The following RASSF10 variants were observed in gnomAD, a reference collection of about 807,000 sequenced individuals.
The protein encoded by RASSF10 is Ras association domain family member 10, also known as ras association domain-containing protein 10.
Under a neutral mutation model 41.5 loss-of-function variants are expected in RASSF10, and 22 were observed. That is an observed-to-expected ratio of 0.53 (90% confidence interval 0.38 to 0.76). The LOEUF is 0.76. Ranked by LOEUF, RASSF10 falls within the 30% of genes least tolerant of loss-of-function variation. The pLI is 0.00. For synonymous variants in RASSF10, 364 were observed against 319.0 expected, an observed-to-expected ratio of 1.14 and a Z score of -1.50; for missense variants, 776 against 711.8, an observed-to-expected ratio of 1.09 and a Z score of -1.03.
At position 13,011,674 on chromosome 11, in the gene RASSF10, C is replaced by T. The variant is rs1949581267; in HGVS notation, c.*574C>T. 6.6e-6 allele frequency: 1 copy of T among 152,428 alleles called. No individual in the cohort carries two copies. Among genetic ancestry groups the T allele is most frequent in the Admixed American group, 6.5e-5 (1 of 15,304 alleles). The allele number at this position is 152,428 out of a possible 1,614,324, so 9.4% of individuals were successfully genotyped here. Reference sequence around the variant, plus strand: ...ACATTTCTGCAGATTTGGGAATTACCCATCTGCTAAATCATTTGTCTTTTA... The same window carrying T: ...ACATTTCTGCAGATTTGGGAATTACTCATCTGCTAAATCATTTGTCTTTTA... On this transcript the variant is annotated 3_prime_UTR_variant, in exon 1 of 1. Coordinates refer to ENST00000529419, the MANE Select transcript of RASSF10 (RefSeq NM_001080521.3).
Position 13,009,751 on chromosome 11 carries a change from C to T in RASSF10, c.175C>T (p.His59Tyr). 6.3e-7 allele frequency: 1 copy of T among 1,589,768 alleles called. No individual in the cohort carries two copies. Among genetic ancestry groups the T allele is most frequent in the East Asian group, 2.3e-5 (1 of 43,564 alleles). Residue 59 changes from histidine (H) to tyrosine (Y), a missense_variant, in exon 1 of 1, where the codon CAT becomes TAT. Physicochemically the swap from His to Tyr is moderately conservative, Grantham distance 83. Transcript: ENST00000529419. ...SRRLGSAGDP[H>Y]GPGELPEPPN... is the part of the protein sequence containing the mutation. Reference sequence around the variant, plus strand: ...GCGGCTGGGGTCGGCCGGCGACCCGCATGGCCCGGGAGAGCTGCCCGAACC... The same window carrying T: ...GCGGCTGGGGTCGGCCGGCGACCCGTATGGCCCGGGAGAGCTGCCCGAACC...
At position 13,010,539 on chromosome 11, in the gene RASSF10, G is replaced by A. The variant is rs944910261; in HGVS notation, c.963G>A (p.Glu321=). 6.5e-7 allele frequency: 1 copy of A among 1,531,854 alleles called. No individual in the cohort carries two copies. The highest frequency in any genetic ancestry group is 1.4e-5 in the African/African-American group (1 of 72,498). The allele number at this position is 1,531,854 out of a possible 1,614,324, so 94.9% of individuals were successfully genotyped here. A position where few individuals can be genotyped will look rare whatever the true frequency, so the allele number is the denominator to read the frequency against. Residue 321 remains glutamate, a synonymous_variant, in exon 1 of 1, where the codon GAG becomes GAA. Coordinates refer to ENST00000529419, the MANE Select transcript of RASSF10 (RefSeq NM_001080521.3). The surrounding 1 kb of genome is among the most constrained non-coding windows in gnomAD (Gnocchi z 4.8). ...AGGCGCAGGCGGCGGCGCTGGAGGAGCTGGCCCGGCGCTGCGACGACTTGC... is the reference window on the plus strand; with the variant it reads ...AGGCGCAGGCGGCGGCGCTGGAGGAACTGGCCCGGCGCTGCGACGACTTGC... ...AGEAQAAALE[E]LARRCDDLLR...
rs775349130 is a variant in RASSF10, at chr11:13,009,999, C to G, written c.423C>G (p.Arg141=). 7.8e-6 allele frequency: 12 copies of G among 1,544,436 alleles called. No individual in the cohort carries two copies. The South Asian group carries it at 1.4e-4, about 18-fold the overall frequency. Reference sequence around the variant, plus strand: ...CATCGCTGCCTAACGCCGGCCCCCGCAGCGCCGAGGCGCGCGTAGTGCTGA... The same window carrying G: ...CATCGCTGCCTAACGCCGGCCCCCGGAGCGCCGAGGCGCGCGTAGTGCTGA... ...SEASLPNAGP[R]SAEARVVLSR... The change falls in exon 1 of 1, where the codon CGC becomes CGG. Residue 141 remains arginine (R), a synonymous_variant. Transcript: ENST00000529419.
rs763857281 is a variant in RASSF10, at chr11:13,010,967, C to A, written c.1391C>A (p.Ala464Asp). 6.2e-7 allele frequency: 1 copy of A among 1,613,750 alleles called. No homozygotes were observed. Among genetic ancestry groups the A allele is most frequent in the Non-Finnish European group, 8.5e-7 (1 of 1,179,868 alleles). ...PSREPGPQAC[A>D]DMWVDQARGL... ...CGGGAACCTGGGCCTCAAGCCTGCG[C>A]CGACATGTGGGTGGACCAGGCCCGT... The change falls in exon 1 of 1, where the codon GCC becomes GAC. Residue 464 changes from alanine to aspartate, a missense_variant. Physicochemically the swap from Ala to Asp is moderately radical, Grantham distance 126 (BLOSUM62 -2). Coordinates refer to ENST00000529419, the MANE Select transcript of RASSF10 (RefSeq NM_001080521.3). The surrounding 1 kb of genome is among the most constrained non-coding windows in gnomAD (Gnocchi z 4.8).
In RASSF10 at chr11:13,010,482, G is replaced by T. The variant is rs374584447; in HGVS notation, c.906G>T (p.Glu302Asp). Reference protein sequence around the residue: ...EEPEEVAAEAEEAAAAPPLAG... With the variant: ...EEPEEVAAEADEAAAAPPLAG... Reference sequence around the variant, plus strand: ...CAGAAGAGGTGGCGGCGGAGGCGGAGGAGGCGGCGGCGGCGCCCCCTCTAG... The same window carrying T: ...CAGAAGAGGTGGCGGCGGAGGCGGATGAGGCGGCGGCGGCGCCCCCTCTAG... Residue 302 changes from glutamate (E) to aspartate (D), a missense_variant, in exon 1 of 1, where the codon GAG becomes GAT. Transcript: ENST00000529419. The surrounding 1 kb of genome is among the most constrained non-coding windows in gnomAD (Gnocchi z 4.8). The T allele has an allele frequency of 5.3e-6, 8 of 1,519,484 alleles. No individual in the cohort carries two copies. The highest frequency in any genetic ancestry group is 2.1e-5 in the Admixed American group (1 of 46,684). The allele number at this position is 1,519,484 out of a possible 1,614,324, so 94.1% of individuals were successfully genotyped here. A position where few individuals can be genotyped will look rare whatever the true frequency, so the allele number is the denominator to read the frequency against.
chr11:13,009,448 C>G lies in RASSF10; in HGVS notation c.-129C>G. The G allele has an allele frequency of 6.7e-7, 1 of 1,502,812 alleles. No homozygotes were observed. Among genetic ancestry groups the G allele is most frequent in the Non-Finnish European group, 8.9e-7 (1 of 1,128,700 alleles). The allele number at this position is 1,502,812 out of a possible 1,614,324, so 93.1% of individuals were successfully genotyped here. On this transcript the variant is annotated 5_prime_UTR_variant, in exon 1 of 1. Coordinates refer to ENST00000529419, the MANE Select transcript of RASSF10 (RefSeq NM_001080521.3). Reference sequence around the variant, plus strand: ...CTGCCTTCGGTGCGCAGCGGGGGAACAGGGCTAGTGCAGCCGCCGGAGGGG... The same window carrying G: ...CTGCCTTCGGTGCGCAGCGGGGGAAGAGGGCTAGTGCAGCCGCCGGAGGGG...
rs752201602 is a variant in RASSF10, at chr11:13,009,786, GGAC to G, written c.216_218del (p.Asp72del). The G allele has an allele frequency of 6.2e-7, 1 of 1,605,528 alleles. No homozygotes were observed. Among genetic ancestry groups the G allele is most frequent in the African/African-American group, 1.3e-5 (1 of 74,904 alleles). On this transcript the variant is annotated inframe_deletion, in exon 1 of 1. Transcript: ENST00000529419. ...GAGAGCTGCCCGAACCCCCGAACGAGGACGACGAGGACGACGACGAGGCGCTGC... is the reference window on the plus strand; with the variant it reads ...GAGAGCTGCCCGAACCCCCGAACGAGGACGAGGACGACGACGAGGCGCTGC...
chr11:13,010,013 G>A lies in RASSF10; in HGVS notation c.437G>A (p.Arg146His). Residue 146 changes from arginine to histidine, a missense_variant, in exon 1 of 1, where the codon CGC (arginine) becomes CAC (histidine). By Grantham distance (29) the Arg-to-His change is conservative (BLOSUM62 0). Transcript: ENST00000529419. This position sits in a 1 kb window ranked among gnomAD's most constrained non-coding sequence, Gnocchi z 4.8. The part of the protein sequence containing the change: ...PNAGPRSAEA[R>H]VVLSRERPCP... Reference sequence around the variant, plus strand: ...GCCGGCCCCCGCAGCGCCGAGGCGCGCGTAGTGCTGAGCCGAGAGCGCCCC... The same window carrying A: ...GCCGGCCCCCGCAGCGCCGAGGCGCACGTAGTGCTGAGCCGAGAGCGCCCC... The A allele has an allele frequency of 6.5e-7, 1 of 1,543,630 alleles. No individual in the cohort carries two copies. Among genetic ancestry groups the A allele is most frequent in the African/African-American group, 1.4e-5 (1 of 73,054 alleles).
Position 13,009,726 on chromosome 11 carries a change from G to A in RASSF10, c.150G>A (p.Arg50=), listed in dbSNP as rs772105525. ...GGCGACGGAGACAGCGGCGGAGCCG[G>A]CGGCTGGGGTCGGCCGGCGACCCGC... The part of the protein sequence containing the change: ...CRRRRRQRRS[R]RLGSAGDPHG... The change falls in exon 1 of 1, where the codon CGG becomes CGA. Residue 50 remains arginine, a synonymous_variant. Transcript: ENST00000529419. The A allele has an allele frequency of 1.5e-5, 24 of 1,579,036 alleles. No individual in the cohort carries two copies. The South Asian group carries it at 1.8e-4, about 12-fold the overall frequency.
chr11:13,009,366 C>A lies in RASSF10; in HGVS notation c.-211C>A, dbSNP rs541930998. 5 of 1,191,260 alleles carry A rather than the reference C, an allele frequency of 4.2e-6. No individual in the cohort carries two copies. In the Admixed American group the frequency reaches 6.5e-5, roughly 15 times the overall value. The allele number at this position is 1,191,260 out of a possible 1,614,324, so 73.8% of individuals were successfully genotyped here. ...CTGGGCGCGTTGCCCCGGGAGCGCC[C>A]GTCGTCCGGGCAGAGCGCAGCCGCA... is the stretch of plus-strand genomic sequence containing the variant. On this transcript the variant is annotated 5_prime_UTR_variant, in exon 1 of 1. Transcript: ENST00000529419.
rs901076428 is a variant in RASSF10, at chr11:13,009,737, C to T, written c.161C>T (p.Ser54Leu). 4.4e-6 allele frequency: 7 copies of T among 1,578,962 alleles called. No individual in the cohort carries two copies. Among genetic ancestry groups the T allele is most frequent in the East Asian group, 4.7e-5 (2 of 42,760 alleles). Residue 54 changes from serine (S) to leucine (L), a missense_variant, in exon 1 of 1, where the codon TCG (serine) becomes TTG (leucine). Ser to Leu is a moderately radical substitution (Grantham distance 145, BLOSUM62 -2). Coordinates refer to ENST00000529419, the MANE Select transcript of RASSF10 (RefSeq NM_001080521.3). ...RRQRRSRRLG[S>L]AGDPHGPGEL... Reference sequence around the variant, plus strand: ...CAGCGGCGGAGCCGGCGGCTGGGGTCGGCCGGCGACCCGCATGGCCCGGGA... The same window carrying T: ...CAGCGGCGGAGCCGGCGGCTGGGGTTGGCCGGCGACCCGCATGGCCCGGGA...
Position 13,010,056 on chromosome 11 carries a change from C to T in RASSF10, c.480C>T (p.Ala160=). The T allele has an allele frequency of 6.5e-7, 1 of 1,545,988 alleles. No individual in the cohort carries two copies. The highest frequency in any genetic ancestry group is 8.7e-7 in the Non-Finnish European group (1 of 1,144,204). ...SRERPCPARG[A]PARPSLAMTQ... ...AGCGCCCCTGTCCGGCCCGCGGGGC[C>T]CCGGCGCGGCCCAGCCTGGCCATGA... Residue 160 remains alanine (A), a synonymous_variant, in exon 1 of 1, where the codon GCC becomes GCT. Transcript: ENST00000529419. The surrounding 1 kb of genome is among the most constrained non-coding windows in gnomAD (Gnocchi z 4.8).
chr11:13,010,704 C>T lies in RASSF10; in HGVS notation c.1128C>T (p.Asp376=). ...CGCGGGAGGAGCCCCTGGAGCCCGA[C>T]GGTGGCCCCGACGGCGAGCTGCTGC... ...LAAREEPLEP[D]GGPDGELLLE... The change falls in exon 1 of 1, where the codon GAC becomes GAT. Residue 376 remains aspartate, a synonymous_variant. Coordinates refer to ENST00000529419, the MANE Select transcript of RASSF10 (RefSeq NM_001080521.3). The surrounding 1 kb of genome is among the most constrained non-coding windows in gnomAD (Gnocchi z 4.8). The T allele has an allele frequency of 6.3e-7, 1 of 1,592,608 alleles. No homozygotes were observed. Among genetic ancestry groups the T allele is most frequent in the Non-Finnish European group, 8.5e-7 (1 of 1,170,296 alleles).
In RASSF10 at chr11:13,009,795, GGAC is replaced by G. The variant is rs757997390; in HGVS notation, c.228_230del (p.Asp76del). On this transcript the variant is annotated inframe_deletion, in exon 1 of 1. Transcript: ENST00000529419. ...CCGAACCCCCGAACGAGGACGACGA[GGAC>G]GACGACGAGGCGCTGCCGCAGGGCA... 6.2e-7 allele frequency: 1 copy of G among 1,606,908 alleles called. No individual in the cohort carries two copies.
rs752071817 is a variant in RASSF10 at position 13,010,123 on chromosome 11, A to C, written c.547A>C (p.Lys183Gln). Residue 183 changes from lysine to glutamine, a missense_variant, in exon 1 of 1, where the codon AAA (lysine) becomes CAA (glutamine). Physicochemically the swap from Lys to Gln is moderately conservative, Grantham distance 53. Coordinates refer to ENST00000529419, the MANE Select transcript of RASSF10 (RefSeq NM_001080521.3). This position sits in a 1 kb window ranked among gnomAD's most constrained non-coding sequence, Gnocchi z 4.8. ...GCGAGTGGTGCGCAAGGCCTTTCGC[A>C]AACTGGCCAAGCTCAACCGGCGGCG... ...QRRVVRKAFRKLAKLNRRRQQ... is the reference protein window; with the variant it reads ...QRRVVRKAFRQLAKLNRRRQQ... 3.3e-5 allele frequency: 51 copies of C among 1,555,864 alleles called. 1 individual carries two copies. The highest frequency in any genetic ancestry group is 1.2e-5 in the South Asian group (1 of 84,274).
In RASSF10 at chr11:13,010,067, C is replaced by T. The variant is rs1218982177; in HGVS notation, c.491C>T (p.Pro164Leu). 6.5e-7 allele frequency: 1 copy of T among 1,547,776 alleles called. No homozygotes were observed. The highest frequency in any genetic ancestry group is 1.4e-5 in the African/African-American group (1 of 72,982). ...PCPARGAPAR[P>L]SLAMTQEKQR... ...CCGGCCCGCGGGGCCCCGGCGCGGC[C>T]CAGCCTGGCCATGACCCAGGAGAAA... Residue 164 changes from proline (P) to leucine (L), a missense_variant, in exon 1 of 1, where the codon CCC becomes CTC. Physicochemically the swap from Pro to Leu is moderately conservative, Grantham distance 98. Coordinates refer to ENST00000529419, the MANE Select transcript of RASSF10 (RefSeq NM_001080521.3). This position sits in a 1 kb window ranked among gnomAD's most constrained non-coding sequence, Gnocchi z 4.8.
chr11:13,010,515 G>C lies in RASSF10; in HGVS notation c.939G>C (p.Glu313Asp). Residue 313 changes from glutamate (E) to aspartate (D), a missense_variant, in exon 1 of 1, where the codon GAG (glutamate) becomes GAC (aspartate). By Grantham distance (45) the Glu-to-Asp change is conservative. Transcript: ENST00000529419. The surrounding 1 kb of genome is among the most constrained non-coding windows in gnomAD (Gnocchi z 4.8). ...CGGCGGCGCCCCCTCTAGCCGGCGA[G>C]GCGCAGGCGGCGGCGCTGGAGGAGC... The part of the protein sequence containing the change: ...EAAAAPPLAG[E>D]AQAAALEELA... 6.6e-7 allele frequency: 1 copy of C among 1,515,960 alleles called. No homozygotes were observed. The highest frequency in any genetic ancestry group is 8.8e-7 in the Non-Finnish European group (1 of 1,131,900). 93.9% of individuals were successfully genotyped at this position (1,515,960 alleles called of 1,614,324 possible). A position where few individuals can be genotyped will look rare whatever the true frequency, so the allele number is the denominator to read the frequency against.
Position 13,009,427 on chromosome 11 carries a change from C to T in RASSF10, c.-150C>T. The T allele has an allele frequency of 6.7e-7, 1 of 1,483,252 alleles. No homozygotes were observed. The highest frequency in any genetic ancestry group is 9.0e-7 in the Non-Finnish European group (1 of 1,114,496). 91.9% of individuals were successfully genotyped at this position (1,483,252 alleles called of 1,614,324 possible). On this transcript the variant is annotated 5_prime_UTR_variant, in exon 1 of 1. Coordinates refer to ENST00000529419, the MANE Select transcript of RASSF10 (RefSeq NM_001080521.3). ...CAGCCGCAGTCGCTTTCCAGCCTGCCTTCGGTGCGCAGCGGGGGAACAGGG... is the reference window on the plus strand; with the variant it reads ...CAGCCGCAGTCGCTTTCCAGCCTGCTTTCGGTGCGCAGCGGGGGAACAGGG...
Position 13,009,393 on chromosome 11 carries a change from C to A in RASSF10, c.-184C>A. On this transcript the variant is annotated 5_prime_UTR_variant, in exon 1 of 1. Coordinates refer to ENST00000529419, the MANE Select transcript of RASSF10 (RefSeq NM_001080521.3). ...TCGTCCGGGCAGAGCGCAGCCGCAA[C>A]CGCGACCACAGCCGCAGTCGCTTTC... 1 of 1,392,684 alleles carries A rather than the reference C, an allele frequency of 7.2e-7. No individual in the cohort carries two copies. The highest frequency in any genetic ancestry group is 9.7e-7 in the Non-Finnish European group (1 of 1,029,098). 86.3% of individuals were successfully genotyped at this position (1,392,684 alleles called of 1,614,324 possible). A position where few individuals can be genotyped will look rare whatever the true frequency, so the allele number is the denominator to read the frequency against.
Sources: allele counts gnomAD v4.1 joint callset, GRCh38; gene constraint gnomAD v4.1.1; non-coding constraint Gnocchi (gnomAD v3.1); transcripts MANE v1.5; gene names NCBI Gene and HGNC (gene_info 2026-07-23, HGNC 2026-07-21).